Variants in SFTPB observed in about 807,000 individuals in gnomAD.
SFTPB encodes surfactant protein B, also known as pulmonary surfactant-associated protein B.
SFTPB carries 32 observed loss-of-function variants against 51.0 expected under a neutral mutation model. The ratio of observed to expected loss-of-function variants is 0.63; its 90% CI spans 0.47 to 0.84. The LOEUF is 0.84. Among genes scored for constraint, SFTPB ranks in the 40% least tolerant of loss-of-function variants. SFTPB has a pLI of 0.00. For missense variants in SFTPB, 431 were observed against 491.2 expected (o/e 0.88, Z 1.16); for synonymous variants, 211 against 208.5 (o/e 1.01, Z -0.10).
At chr2:85,666,470 T>C in intron 4 of SFTPB, 147 bp downstream of exon 4, 1 of 755,940 alleles carries the variant, frequency 1.3e-6, no homozygotes, top group Non-Finnish European at 2.1e-6. Context: ...GTGCTGTGTG[T>C]TTGTGTCTGG....
rs779795223 is a variant in SFTPB, at chr2:85,666,648, G to GTT, written c.361_362insAA (p.Pro121GlnfsTer95). ...GTTCTGGAAGTAGTCGATGACCAGG[G>GTT]GGAAGTAGTCGTCAAGCACTTGGTT... On this transcript the variant is annotated frameshift_variant, in exon 4 of 11. Coordinates refer to ENST00000519937, the MANE Select transcript of SFTPB (RefSeq NM_000542.5). LOFTEE classifies it high-confidence loss of function. 3.5e-4 allele frequency: 564 copies of GTT among 1,613,636 alleles called. No individual in the cohort carries two copies. Among genetic ancestry groups the GTT allele is most frequent in the Non-Finnish European group, 4.6e-4 (537 of 1,179,814 alleles).
At chr2:85,666,444 TGTCC>T in intron 4 of SFTPB, 169 bp downstream of exon 4, 2 of 587,548 alleles carry the variant, frequency 3.4e-6, no homozygotes, top group Non-Finnish European at 6.1e-6. Flanking sequence ...TGTGTGTGTG[TGTCC>T]GGCTGGCTGG....
At chr2:85,660,531 C>G (rs1677239688) in intron 10 of SFTPB, among the ~76,000 whole-genome samples, 1 of 145,698 alleles carries the variant, frequency 6.9e-6, no homozygotes, top group Non-Finnish European at 1.5e-5. Flanking sequence ...CACACCGCAA[C>G]CTTCGCCTCC....
chr2:85,666,309 GTTTCCAGCTGGCTGGGGTAC>G (rs1677603060), intron 4 of SFTPB, among the ~76,000 whole-genome samples: 1 of 143,434 alleles, frequency 7.0e-6, no homozygotes, highest in African/African-American at 2.5e-5. Flanking sequence ...GTGTGTGTGT[GTTTCCAGCTGGCTGGGGTAC>G]TGTGTGTGTG....
chr2:85,668,452 G>A (rs1677765955), upstream of SFTPB, among the ~76,000 whole-genome samples: 1 of 152,214 alleles, frequency 6.6e-6, no homozygotes, highest in South Asian at 2.1e-4. Flanking sequence ...GGGCTCTCAA[G>A]CCTCCATACC....
intron 10 of SFTPB, among the ~76,000 whole-genome samples, chr2:85,660,357 A>G (rs1356848684): frequency 8.0e-6 from 1 of 124,692 alleles, no homozygotes; most frequent in East Asian, 2.2e-4. Context: ...CTGGTCTTGA[A>G]CTCCTGACCT....
chr2:85,666,517 G>GTGTCTGGCTGGCTGGGGTGCTGTGTGTT lies in SFTPB; in HGVS notation c.393+99_393+100insAACACACAGCACCCCAGCCAGCCAGACA. ...GCTGTGTGTGTGTGTGTGTGTGTGT[G>GTGTCTGGCTGGCTGGGGTGCTGTGTGTT]TGTGTCTGGCTGGCTGGGGTGCTGT... On this transcript the variant is annotated intron_variant, in intron 4 of 10. Transcript: ENST00000519937. 3 of 1,182,300 alleles carry GTGTCTGGCTGGCTGGGGTGCTGTGTGTT rather than the reference G, an allele frequency of 2.5e-6. No homozygotes were observed. In the South Asian group the frequency reaches 3.9e-5, roughly 16 times the overall value. 73.2% of individuals were successfully genotyped at this position (1,182,300 alleles called of 1,614,324 possible).
intron 5 of SFTPB, 28 bp from the exon 6 acceptor site, chr2:85,665,406 G>C: frequency 1.9e-6 from 3 of 1,580,506 alleles, no homozygotes; most frequent in Non-Finnish European, 2.6e-6. Flanking sequence ...TGGAGGCCAG[G>C]CTGGGTGCTG....
chr2:85,660,975 T>C (rs1479222614), intron 10 of SFTPB, among the ~76,000 whole-genome samples: 1 of 152,172 alleles, frequency 6.6e-6, no homozygotes, highest in African/African-American at 2.4e-5. Context: ...GGTGCTCCGC[T>C]GACTTAGAAC....
chr2:85,666,579 G>C (rs748308447), intron 4 of SFTPB, 38 bp downstream of exon 4: 1 of 1,609,414 alleles, frequency 6.2e-7, no homozygotes, highest in Non-Finnish European at 8.5e-7. Context: ...AGGGGCCTGC[G>C]TGGGGAGGCA....
chr2:85,661,389 C>G lies in SFTPB; in HGVS notation c.*19+65G>C. ...TCTTCCTGCTTGGGGAGCAGAAGGG[C>G]CTCCCATGCCCTGATGGTCAGGACC... On this transcript the variant is annotated intron_variant, in intron 10 of 10. Coordinates refer to ENST00000519937, the MANE Select transcript of SFTPB (RefSeq NM_000542.5). 2.6e-6 allele frequency: 3 copies of G among 1,149,060 alleles called. No individual in the cohort carries two copies. In the South Asian group the frequency reaches 3.9e-5, roughly 15 times the overall value. 71.2% of individuals were successfully genotyped at this position (1,149,060 alleles called of 1,614,324 possible).
rs1175696513 is a variant in SFTPB, at chr2:85,666,374, TCC to T, written c.393+241_393+242del. Among the ~76,000 whole-genome samples the T allele has an allele frequency of 5.1e-5, 7 of 138,168 alleles. 2 individuals carry two copies. The highest frequency in any genetic ancestry group is 9.3e-5 in the Non-Finnish European group (6 of 64,454). 90.6% of individuals were successfully genotyped at this position (138,168 alleles called of 152,430 possible). The stretch of plus-strand genomic sequence containing the variant: ...GGATAGGGTGCTGTGTGTGTGTGTG[TCC>T]GGCCAGCTGGGGTACTGTGTGTGTG... On this transcript the variant is annotated intron_variant, in intron 4 of 10. Transcript: ENST00000519937.
intron 10 of SFTPB, among the ~76,000 whole-genome samples, chr2:85,660,486 G>C (rs574002642): frequency 2.1e-4 from 24 of 114,710 alleles, no homozygotes; most frequent in African/African-American, 8.0e-4. Flanking sequence ...GTTGTGCTCT[G>C]TTGCCTAGGC....
intron 6 of SFTPB, among the ~76,000 whole-genome samples, chr2:85,664,785 C>A (rs1013004041): frequency 2.0e-5 from 3 of 152,360 alleles, no homozygotes; most frequent in Admixed American, 2.0e-4. Context: ...GCTGAGGGGG[C>A]AGGGCCTTTC....
intron 9 of SFTPB, 35 bp downstream of exon 9, chr2:85,661,994 G>A (rs767063528): frequency 5.1e-6 from 8 of 1,568,890 alleles, no homozygotes; most frequent in Admixed American, 1.9e-5. Flanking sequence ...GGAGCCAAGG[G>A]AAGTCCTAGG....
chr2:85,667,796 G>A lies in SFTPB; in HGVS notation c.78C>T (p.Thr26=), dbSNP rs775711586. Residue 26 remains threonine (T), a synonymous_variant, in exon 2 of 11, where the codon ACC becomes ACT. Coordinates refer to ENST00000519937, the MANE Select transcript of SFTPB (RefSeq NM_000542.5). ...CCTGGGCACAGGCCAAGGATGAGGT[G>A]GTCCAGGCAGCTGTGGTTTGGGGCC... ...TLCGPGTAAW[T]TSSLACAQGP... The A allele has an allele frequency of 2.5e-6, 4 of 1,614,260 alleles. No homozygotes were observed. The highest frequency in any genetic ancestry group is 3.4e-6 in the Non-Finnish European group (4 of 1,180,056).
intron 4 of SFTPB, 49 bp from the exon 5 acceptor site, chr2:85,665,843 A>AC (rs1558576598): frequency 6.3e-7 from 1 of 1,582,440 alleles, no homozygotes. Flanking sequence ...AGGGAAGCCC[A>AC]CCCCTATTCA....
rs1456318017 is a variant in SFTPB at position 85,666,790 on chromosome 2, C to T, written c.268-48G>A. ...CAGCTGGGCCTCTCTGAGGTCTACCCCGCCCAAGTCCCTGGACACAAGGCC... is the reference window on the plus strand; with the variant it reads ...CAGCTGGGCCTCTCTGAGGTCTACCTCGCCCAAGTCCCTGGACACAAGGCC... On this transcript the variant is annotated intron_variant, in intron 3 of 10. Coordinates refer to ENST00000519937, the MANE Select transcript of SFTPB (RefSeq NM_000542.5). 3.1e-6 allele frequency: 5 copies of T among 1,612,232 alleles called. No individual in the cohort carries two copies. In the South Asian group the frequency reaches 5.5e-5, roughly 18 times the overall value.
chr2:85,663,755 G>A lies in SFTPB; in HGVS notation c.765C>T (p.Val255=), dbSNP rs756130868. 3.1e-6 allele frequency: 5 copies of A among 1,609,602 alleles called. No individual in the cohort carries two copies. The South Asian group carries it at 4.4e-5, about 14-fold the overall frequency. The change falls in exon 7 of 11, where the codon GTC becomes GTT. Residue 255 remains valine, a synonymous_variant. Coordinates refer to ENST00000519937, the MANE Select transcript of SFTPB (RefSeq NM_000542.5). ...GGCCCAGCAGCGTGTCGAGCAGGAT[G>A]ACGGAGTAGCGCTCAGCCAGGCACT... ...ICQCLAERYS[V]ILLDTLLGRM...
Sources: gnomAD v4.1 joint callset for allele counts (sites outside exome capture counted in the v4.1 genomes callset) on GRCh38, gnomAD v4.1.1 for gene constraint, MANE v1.5 for transcripts, NCBI Gene and HGNC (gene_info 2026-07-23, HGNC 2026-07-21) for gene names.